The following MITF variants were observed in gnomAD, a reference collection of about 807,000 sequenced individuals.
MITF encodes the protein melanocyte inducing transcription factor.
Under a neutral mutation model 60.5 loss-of-function variants are expected in MITF, and 17 were observed. The ratio of observed to expected loss-of-function variants is 0.28; its 90% confidence interval spans 0.19 to 0.42. The LOEUF (loss-of-function observed/expected upper bound fraction) is 0.42, where lower values mean the gene tolerates loss of function less well. Ranked by LOEUF, MITF falls within the 10% of genes least tolerant of loss-of-function variation. MITF has a pLI of 1.00. For missense variants in MITF, 622 were observed against 683.5 expected (o/e 0.91, Z 1.00); for synonymous variants, 260 against 248.5 (o/e 1.05, Z -0.43).
intron 2 of MITF, among the ~76,000 whole-genome samples, chr3:69,924,699 C>G (rs1318803137): frequency 1.3e-5 from 2 of 152,126 alleles, no homozygotes; most frequent in East Asian, 3.9e-4. Flanking sequence ...CAACCTCTCC[C>G]CAGAAAAATG....
chr3:69,799,160 A>T (rs993273674), intron 1 of MITF, among the ~76,000 whole-genome samples: 9 of 152,290 alleles, frequency 5.9e-5, no homozygotes, highest in Non-Finnish European at 1.2e-4. Context: ...TATCTGGGCA[A>T]CAATTGAGGA....
intron 2 of MITF, among the ~76,000 whole-genome samples, chr3:69,880,282 C>T (rs1210440806): frequency 6.6e-6 from 1 of 152,054 alleles, no homozygotes; most frequent in African/African-American, 2.4e-5. Flanking sequence ...GAAAAAATGT[C>T]TCCCATTATT....
At chr3:69,950,447 G>GA (rs1491526128) in intron 6 of MITF, among the ~76,000 whole-genome samples, 1 of 75,150 alleles carries the variant, frequency 1.3e-5, no homozygotes, top group African/African-American at 6.6e-5. Context: ...CAACTTCTGA[G>GA]TTATATATAT....
intron 2 of MITF, among the ~76,000 whole-genome samples, chr3:69,910,776 AC>A (rs1011829359): frequency 6.6e-6 from 1 of 151,756 alleles, no homozygotes; most frequent in Non-Finnish European, 1.5e-5. Context: ...CAGTACCTAT[AC>A]CCCCATTGTA....
chr3:69,911,385 C>G (rs947443930), intron 2 of MITF, among the ~76,000 whole-genome samples: 4 of 152,180 alleles, frequency 2.6e-5, no homozygotes, highest in Non-Finnish European at 5.9e-5. Flanking sequence ...CACACTGTGC[C>G]TCAGACTCTT....
chr3:69,959,798 T>G (rs1447518682), intron 9 of MITF, among the ~76,000 whole-genome samples: 1 of 152,214 alleles, frequency 6.6e-6, no homozygotes, highest in Non-Finnish European at 1.5e-5. Context: ...TGTTGGTGAT[T>G]TCGCTGTTTA....
chr3:69,874,193 A>C lies in MITF; in HGVS notation c.105-4941A>C, dbSNP rs540228477. ...CTATGATGAAGATTATTTTTTACTG[A>C]ATAAAAATGCTACAATTCCTACTTT... On this transcript the variant is annotated intron_variant, in intron 1 of 9. Transcript: ENST00000352241. Among the ~76,000 whole-genome samples, 12 of 152,306 alleles carry C rather than the reference A, an allele frequency of 7.9e-5. No homozygotes were observed. In the South Asian group the frequency reaches 2.5e-3, roughly 32 times the overall value.
intron 2 of MITF, among the ~76,000 whole-genome samples, chr3:69,886,330 G>A (rs1037589113): frequency 2.0e-5 from 3 of 152,078 alleles, no homozygotes; most frequent in Admixed American, 2.0e-4. Context: ...ATTAATTATA[G>A]GGTGGATTGG....
intron 1 of MITF, among the ~76,000 whole-genome samples, chr3:69,785,417 A>G (rs1412426535): frequency 6.6e-6 from 1 of 152,100 alleles, no homozygotes; most frequent in Non-Finnish European, 1.5e-5. Flanking sequence ...ACCATCTTTC[A>G]TGTCAGTTTT....
chr3:69,868,322 C>G (rs769126290), intron 1 of MITF, among the ~76,000 whole-genome samples: 3 of 152,150 alleles, frequency 2.0e-5, no homozygotes, highest in Non-Finnish European at 2.9e-5. Context: ...AAACCATGCC[C>G]AAGTGATACA....
intron 1 of MITF, among the ~76,000 whole-genome samples, chr3:69,859,482 G>C (rs908557374): frequency 7.9e-5 from 12 of 152,142 alleles, no homozygotes; most frequent in Admixed American, 7.9e-4. Flanking sequence ...AATGGATTTA[G>C]ATGGTCCATG....
At chr3:69,763,212 G>A (rs2062236688) in intron 1 of MITF, among the ~76,000 whole-genome samples, 1 of 152,184 alleles carries the variant, frequency 6.6e-6, no homozygotes, top group Non-Finnish European at 1.5e-5. Context: ...GGTTTAAGTA[G>A]TAATTGATGA....
chr3:69,782,546 A>T (rs77053277), intron 1 of MITF, among the ~76,000 whole-genome samples: 2,017 of 152,310 alleles, frequency 0.013, 19 homozygotes, highest in Admixed American at 0.027. Flanking sequence ...TAATTAAGTG[A>T]TAAGCTGTGA....
At chr3:69,850,082 A>G (rs1003547962) in intron 1 of MITF, among the ~76,000 whole-genome samples, 8 of 152,224 alleles carry the variant, frequency 5.3e-5, no homozygotes, top group Non-Finnish European at 1.2e-4. Flanking sequence ...TATTTGACCA[A>G]AAAGATCAAG....
rs113054658 is a variant in MITF at position 69,784,963 on chromosome 3, G to C, written c.104+45262G>C. On this transcript the variant is annotated intron_variant, in intron 1 of 9. Transcript: ENST00000352241. ...CATTCTGGAGAGACTGGCGTGGACT[G>C]TGGGCCCCTGCAGCCAGCTGCTTGC... Among the ~76,000 whole-genome samples, 1,331 of 152,096 alleles carry C rather than the reference G, an allele frequency of 8.8e-3. 20 individuals carry two copies. Among genetic ancestry groups the C allele is most frequent in the African/African-American group, 0.029 (1,195 of 41,508 alleles).
At chr3:69,932,990 G>A (rs1419696762) in intron 2 of MITF, among the ~76,000 whole-genome samples, 1 of 152,034 alleles carries the variant, frequency 6.6e-6, no homozygotes, top group African/African-American at 2.4e-5. Flanking sequence ...AAACATAAGT[G>A]ATAAATCTGA....
At chr3:69,863,778 T>A (rs1285729928) in intron 1 of MITF, among the ~76,000 whole-genome samples, 1 of 152,160 alleles carries the variant, frequency 6.6e-6, no homozygotes, top group African/African-American at 2.4e-5. Context: ...CCTGGGCTGG[T>A]CTTGAACTCC....
Position 69,879,251 on chromosome 3 carries a change from G to A in MITF, c.222G>A (p.Arg74=). ...MREQMQEQER[R]EQQQKLQAAQ... ...AGCAGATGCAGGAGCAGGAGCGCAG[G>A]GAGCAGCAGCAGAAGCTGCAGGCGG... The change falls in exon 2 of 10, where the codon AGG becomes AGA. Residue 74 remains arginine (R), a synonymous_variant. Transcript: ENST00000352241. The A allele has an allele frequency of 6.2e-7, 1 of 1,614,224 alleles. No individual in the cohort carries two copies. Among genetic ancestry groups the A allele is most frequent in the South Asian group, 1.1e-5 (1 of 91,090 alleles).
intron 1 of MITF, among the ~76,000 whole-genome samples, chr3:69,786,581 A>G (rs2062653228): frequency 6.6e-6 from 1 of 152,142 alleles, no homozygotes; most frequent in African/African-American, 2.4e-5. Flanking sequence ...CAGGAGACAT[A>G]TCTTCAAGTT....
Sources: allele counts gnomAD v4.1 joint callset (sites outside exome capture counted in the v4.1 genomes callset), GRCh38; gene constraint gnomAD v4.1.1; transcripts MANE v1.5; gene names NCBI Gene and HGNC (gene_info 2026-07-23, HGNC 2026-07-21).